The following UGP2 variants were observed in gnomAD, a reference collection of about 807,000 sequenced individuals.
UGP2 encodes the protein UDP-glucose pyrophosphorylase 2.
In UGP2, 40 loss-of-function variants were observed where a neutral mutation model predicts 49.0. The observed-to-expected ratio is 0.82, with a 90% CI of 0.63 to 1.06. The LOEUF is 1.06. UGP2 is among the 50% of genes least tolerant of loss of function. The pLI is 0.00. For missense variants in UGP2, 460 were observed against 603.5 expected (o/e 0.76, Z 2.49); for synonymous variants, 225 against 213.0 (o/e 1.06, Z -0.49).
rs535884744 is a variant in UGP2 at position 63,855,971 on chromosome 2, G to A, written c.20-335G>A. On this transcript the variant is annotated intron_variant, in intron 1 of 9. Transcript: ENST00000337130. ...GCATTAAAAGTCTAGTCTGACACAC[G>A]TAAGCAGTGGAAAGTCTTGGCTGAA... The A allele has an allele frequency of 2.5e-4, 58 of 232,454 alleles. 1 individual carries two copies. The highest frequency in any genetic ancestry group is 1.2e-3 in the African/African-American group (52 of 43,000). The allele number at this position is 232,454 out of a possible 1,614,324, so 14.4% of individuals were successfully genotyped here.
chr2:63,853,010 A>G (rs1052433407), intron 1 of UGP2, among the ~76,000 whole-genome samples: 1 of 152,136 alleles, frequency 6.6e-6, no homozygotes, highest in Non-Finnish European at 1.5e-5. Flanking sequence ...TCAGGAAAAA[A>G]GTTTAGGATG....
intron 7 of UGP2, 108 bp from the exon 8 acceptor site, chr2:63,887,294 T>A: frequency 2.1e-6 from 3 of 1,423,650 alleles, no homozygotes; most frequent in South Asian, 1.4e-5. Context: ...TTTTTTTCCA[T>A]CAATGGATCT....
At chr2:63,890,240 T>G in intron 9 of UGP2, 55 bp downstream of exon 9, 1 of 1,300,450 alleles carries the variant, frequency 7.7e-7, no homozygotes, top group South Asian at 1.3e-5. Context: ...TAGGTCTCAT[T>G]TTCTAGTCAT....
chr2:63,860,870 T>G (rs907597380), intron 3 of UGP2, among the ~76,000 whole-genome samples: 1 of 151,240 alleles, frequency 6.6e-6, no homozygotes, highest in African/African-American at 2.4e-5. Flanking sequence ...ACTTTTTAGA[T>G]AAAAATAGTT....
At chr2:63,875,125 A>G (rs988773240) in intron 3 of UGP2, among the ~76,000 whole-genome samples, 1 of 152,230 alleles carries the variant, frequency 6.6e-6, no homozygotes, top group Non-Finnish European at 1.5e-5. Context: ...TAGACAATAC[A>G]TGAAAGTGAC....
chr2:63,883,385 A>C (rs1462333312), intron 4 of UGP2: 1 of 152,242 alleles, frequency 6.6e-6, no homozygotes. Flanking sequence ...AAATTTTAAC[A>C]TAGGGCAGTG....
chr2:63,883,812 C>A, intron 4 of UGP2, 148 bp from the exon 5 acceptor site: 1 of 902,634 alleles, frequency 1.1e-6, no homozygotes, highest in Non-Finnish European at 1.6e-6. Context: ...CTGGCTCGTG[C>A]TGAGCAGTTT....
intron 3 of UGP2, among the ~76,000 whole-genome samples, chr2:63,881,038 A>G (rs1671270273): frequency 6.6e-6 from 1 of 152,198 alleles, no homozygotes; most frequent in Non-Finnish European, 1.5e-5. Context: ...ATTAGTGATG[A>G]TTGGAGCAAT....
rs1339471345 is a variant in UGP2 at position 63,886,024 on chromosome 2, CAT to C, written c.873+140_873+141del. Reference sequence around the variant, plus strand: ...TTCTGTTTGACATAATAGTATGTATCATAAATCCATAATAAATAGTATCAAAA... The same window carrying C: ...TTCTGTTTGACATAATAGTATGTATCAAATCCATAATAAATAGTATCAAAA... On this transcript the variant is annotated intron_variant, in intron 6 of 9. Transcript: ENST00000337130. The C allele has an allele frequency of 7.9e-6, 8 of 1,014,182 alleles. No homozygotes were observed. In the African/African-American group the frequency reaches 1.3e-4, roughly 17 times the overall value. 62.8% of individuals were successfully genotyped at this position (1,014,182 alleles called of 1,614,324 possible). A position where few individuals can be genotyped will look rare whatever the true frequency, so the allele number is the denominator to read the frequency against.
chr2:63,883,830 A>C, intron 4 of UGP2, 130 bp from the exon 5 acceptor site: 2 of 1,193,368 alleles, frequency 1.7e-6, no homozygotes, highest in Non-Finnish European at 1.1e-6. Context: ...TTTTTTGTCA[A>C]ATCTGTATAT....
intron 3 of UGP2, among the ~76,000 whole-genome samples, chr2:63,872,911 T>G (rs1670655306): frequency 6.6e-6 from 1 of 152,116 alleles, no homozygotes; most frequent in African/African-American, 2.4e-5. Flanking sequence ...GTAGAGTGTC[T>G]GTGATGCTAG....
At chr2:63,850,583 A>G (rs1440661572) in intron 1 of UGP2, among the ~76,000 whole-genome samples, 2 of 152,256 alleles carry the variant, frequency 1.3e-5, no homozygotes, top group African/African-American at 4.8e-5. Context: ...TGAAAACATT[A>G]CATTGGCATT....
At chr2:63,890,293 C>A in intron 9 of UGP2, 108 bp downstream of exon 9, 1 of 713,670 alleles carries the variant, frequency 1.4e-6, no homozygotes, top group East Asian at 2.8e-5. Flanking sequence ...GTCTTAGTGC[C>A]ACCTTAATTA....
intron 3 of UGP2, among the ~76,000 whole-genome samples, chr2:63,879,679 G>A (rs1671158699): frequency 6.6e-6 from 1 of 152,200 alleles, no homozygotes; most frequent in South Asian, 2.1e-4. Context: ...ATGTGATTAG[G>A]GGCAGATGCA....
intron 1 of UGP2, among the ~76,000 whole-genome samples, chr2:63,853,559 A>T (rs1271780881): frequency 2.6e-5 from 4 of 152,004 alleles, no homozygotes; most frequent in East Asian, 1.9e-4. Context: ...TGGCCTAGGG[A>T]TGGCTCTTCA....
In UGP2 at chr2:63,890,985, T is replaced by G. The variant is rs901253588; in HGVS notation, c.1420-135T>G. 1.4e-4 allele frequency: 79 copies of G among 575,986 alleles called. No individual in the cohort carries two copies. In the African/African-American group the frequency reaches 1.4e-3, roughly 10 times the overall value. The allele number at this position is 575,986 out of a possible 1,614,324, so 35.7% of individuals were successfully genotyped here. ...ATTTTCCTTAACTGTTATTTGTTTT[T>G]CATGTTTAATATTGTTTATAAAAAA... On this transcript the variant is annotated intron_variant, in intron 9 of 9. Coordinates refer to ENST00000337130, the MANE Select transcript of UGP2 (RefSeq NM_006759.4).
intron 2 of UGP2, chr2:63,857,026 G>A (rs1669490161): frequency 1.4e-5 from 5 of 357,802 alleles, no homozygotes; most frequent in Admixed American, 3.7e-5. Flanking sequence ...GCGGCCAGGC[G>A]CAGTGGCTCT....
chr2:63,853,892 C>A (rs1344331244), intron 1 of UGP2, among the ~76,000 whole-genome samples: 1 of 152,102 alleles, frequency 6.6e-6, no homozygotes, highest in Non-Finnish European at 1.5e-5. Flanking sequence ...AAAGTTATTG[C>A]CTGTTCTATC....
At chr2:63,858,035 T>G in intron 3 of UGP2, 99 bp downstream of exon 3, 1 of 1,085,582 alleles carries the variant, frequency 9.2e-7, no homozygotes. Context: ...AACAATCATG[T>G]GAGACAAGAC....
Sources: gnomAD v4.1 joint callset for allele counts (sites outside exome capture counted in the v4.1 genomes callset) on GRCh38, gnomAD v4.1.1 for gene constraint, MANE v1.5 for transcripts, NCBI Gene and HGNC (gene_info 2026-07-23, HGNC 2026-07-21) for gene names.